The following PRDM6 variants were observed in gnomAD, a reference collection of about 807,000 sequenced individuals.
PRDM6 encodes putative histone-lysine N-methyltransferase PRDM6.
Under a neutral mutation model 60.8 loss-of-function variants are expected in PRDM6, and 25 were observed. The observed-to-expected ratio is 0.41, with a 90% CI of 0.30 to 0.57. The LOEUF (loss-of-function observed/expected upper bound fraction) is 0.57. Ranked by LOEUF, PRDM6 falls within the 20% of genes least tolerant of loss-of-function variation. The pLI, the probability that PRDM6 is intolerant of heterozygous loss-of-function variation, is 0.27. For synonymous variants in PRDM6, 407 were observed against 357.4 expected (o/e 1.14, Z -1.57); for missense variants, 839 against 821.3 (o/e 1.02, Z -0.26).
At chr5:123,181,446 C>T (rs749031545) in intron 7 of PRDM6, among the ~76,000 whole-genome samples, 3 of 152,174 alleles carry the variant, frequency 2.0e-5, no homozygotes, top group Non-Finnish European at 4.4e-5. Context: ...TATTTCTGGC[C>T]GTCCAAACAG....
rs1764719405 is a variant in PRDM6 at position 123,127,477 on chromosome 5, G to A, written c.900+27516G>A. Among the ~76,000 whole-genome samples, 4 of 152,354 alleles carry A rather than the reference G, an allele frequency of 2.6e-5. No individual in the cohort carries two copies. The South Asian group carries it at 8.3e-4, about 32-fold the overall frequency. On this transcript the variant is annotated intron_variant, in intron 3 of 7. Transcript: ENST00000407847. Reference sequence around the variant, plus strand: ...ACTGTAAATTCAGTCTCTGTGTGTAGCATCGTTGAGAGAAGTAAGTGGAGA... The same window carrying A: ...ACTGTAAATTCAGTCTCTGTGTGTAACATCGTTGAGAGAAGTAAGTGGAGA...
Position 123,090,625 on chromosome 5 carries a change from C to A in PRDM6, c.592+19C>A. ...AACAACCGTACGTAGCCGCAGCCCGCGCGCTCTCTCCCGGGGCGCCGGCGC... is the reference window on the plus strand; with the variant it reads ...AACAACCGTACGTAGCCGCAGCCCGAGCGCTCTCTCCCGGGGCGCCGGCGC... On this transcript the variant is annotated intron_variant, in intron 2 of 7. Transcript: ENST00000407847. 6.7e-7 allele frequency: 1 copy of A among 1,502,250 alleles called. No individual in the cohort carries two copies. The highest frequency in any genetic ancestry group is 1.2e-5 in the South Asian group (1 of 82,348). 93.1% of individuals were successfully genotyped at this position (1,502,250 alleles called of 1,614,324 possible). A position where few individuals can be genotyped will look rare whatever the true frequency, so the allele number is the denominator to read the frequency against.
In PRDM6 at chr5:123,137,272, T is replaced by C. The variant is rs563901201; in HGVS notation, c.901-18612T>C. Among the ~76,000 whole-genome samples, 6 of 152,356 alleles carry C rather than the reference T, an allele frequency of 3.9e-5. No homozygotes were observed. The South Asian group carries it at 1.2e-3, about 32-fold the overall frequency. ...TGAATCTGATTCTGCTGTGAGTCAGTGTGCAAGGTGACTGCAAATCACTAT... is the reference window on the plus strand; with the variant it reads ...TGAATCTGATTCTGCTGTGAGTCAGCGTGCAAGGTGACTGCAAATCACTAT... On this transcript the variant is annotated intron_variant, in intron 3 of 7. Coordinates refer to ENST00000407847, the MANE Select transcript of PRDM6 (RefSeq NM_001136239.4).
intron 3 of PRDM6, among the ~76,000 whole-genome samples, chr5:123,150,856 A>T (rs1232272482): frequency 6.6e-6 from 1 of 152,168 alleles, no homozygotes; most frequent in Non-Finnish European, 1.5e-5. Flanking sequence ...GTAATTGTTT[A>T]TTCCATTTTA....
chr5:123,155,753 G>A, intron 3 of PRDM6, 131 bp from the exon 4 acceptor site: 1 of 938,808 alleles, frequency 1.1e-6, no homozygotes, highest in Non-Finnish European at 1.5e-6. Flanking sequence ...TTGTCCACAA[G>A]CATCAATAAG....
At chr5:123,127,512 T>G (rs1027952689) in intron 3 of PRDM6, among the ~76,000 whole-genome samples, 2 of 152,192 alleles carry the variant, frequency 1.3e-5, no homozygotes, top group Admixed American at 1.3e-4. Context: ...AATTGACTAC[T>G]TTTTTGGGGT....
At position 123,090,213 on chromosome 5, in the gene PRDM6, G is replaced by A. The variant is rs781554858; in HGVS notation, c.199G>A (p.Asp67Asn). 1.0e-3 allele frequency: 1,551 copies of A among 1,479,642 alleles called. No individual in the cohort carries two copies. The highest frequency in any genetic ancestry group is 1.7e-3 in the Admixed American group (74 of 42,402). 91.7% of individuals were successfully genotyped at this position (1,479,642 alleles called of 1,614,324 possible). ...PPPERAEPPP[D>N]SLRPRPASLS... Reference sequence around the variant, plus strand: ...CCCGGAGCGCGCTGAGCCTCCGCCGGACAGCCTGCGCCCGCGGCCCGCCTC... The same window carrying A: ...CCCGGAGCGCGCTGAGCCTCCGCCGAACAGCCTGCGCCCGCGGCCCGCCTC... Residue 67 changes from aspartate (D) to asparagine (N), a missense_variant, in exon 2 of 8, where the codon GAC becomes AAC. Transcript: ENST00000407847.
intron 3 of PRDM6, among the ~76,000 whole-genome samples, chr5:123,101,173 G>C: frequency 6.6e-6 from 1 of 152,156 alleles, no homozygotes; most frequent in East Asian, 1.9e-4. Flanking sequence ...TTTGATGAGT[G>C]CCCACTCTGG....
In PRDM6 at chr5:123,103,665, C is replaced by T. The variant is rs182616644; in HGVS notation, c.900+3704C>T. 7.2e-5 allele frequency among the ~76,000 whole-genome samples: 11 copies of T among 152,052 alleles called. No individual in the cohort carries two copies. The East Asian group carries it at 1.9e-3, about 27-fold the overall frequency. The stretch of plus-strand genomic sequence containing the variant: ...CTCTTGAGATAAATTAATCTAGTTG[C>T]ACACGGTTTCCTCTTTCTGCTTAAC... On this transcript the variant is annotated intron_variant, in intron 3 of 7. Transcript: ENST00000407847.
Position 123,090,158 on chromosome 5 carries a change from G to C in PRDM6, c.144G>C (p.Gln48His). The C allele has an allele frequency of 2.7e-6, 4 of 1,505,432 alleles. No individual in the cohort carries two copies. The highest frequency in any genetic ancestry group is 3.5e-6 in the Non-Finnish European group (4 of 1,129,160). 93.3% of individuals were successfully genotyped at this position (1,505,432 alleles called of 1,614,324 possible). ...SGAAGLLSAP[Q>H]PLQPPPPPPP... ...CCGCGGGTCTCCTGAGCGCGCCGCA[G>C]CCTCTTCAGCCGCCGCCGCCGCCCC... The change falls in exon 2 of 8, where the codon CAG becomes CAC. Residue 48 changes from glutamine (Q) to histidine (H), a missense_variant. This residue lies in a region of PRDM6 where 730 missense variants were observed against 648.8 expected (regional missense o/e 1.13). Coordinates refer to ENST00000407847, the MANE Select transcript of PRDM6 (RefSeq NM_001136239.4).
intron 5 of PRDM6, 52 bp from the exon 6 acceptor site, chr5:123,170,714 T>C (rs1765867895): frequency 7.9e-7 from 1 of 1,260,396 alleles, no homozygotes; most frequent in Non-Finnish European, 1.1e-6. Context: ...GTTATTGTGC[T>C]TATTTTAAAG....
chr5:123,127,924 C>T (rs564754276), intron 3 of PRDM6, among the ~76,000 whole-genome samples: 46 of 152,120 alleles, frequency 3.0e-4, no homozygotes, highest in African/African-American at 1.0e-3. Context: ...CCCCAGCCCC[C>T]GACCCCCTGA....
intron 4 of PRDM6, among the ~76,000 whole-genome samples, chr5:123,157,145 C>T (rs921553203): frequency 1.3e-5 from 2 of 149,342 alleles, no homozygotes; most frequent in Non-Finnish European, 3.0e-5. Flanking sequence ...ACAAATTTGG[C>T]TTGCTCTCTG....
intron 3 of PRDM6, among the ~76,000 whole-genome samples, chr5:123,136,891 C>A (rs551597725): frequency 1.3e-5 from 2 of 152,294 alleles, no homozygotes; most frequent in South Asian, 4.1e-4. Flanking sequence ...AGCTGAGGGG[C>A]ATCCCAAGTT....
At chr5:123,134,922 A>G (rs1580507041) in intron 3 of PRDM6, among the ~76,000 whole-genome samples, 1 of 152,158 alleles carries the variant, frequency 6.6e-6, no homozygotes, top group Admixed American at 6.5e-5. Flanking sequence ...AGTGGTTGAC[A>G]CATTCAGCCT....
At chr5:123,137,781 A>G (rs980763773) in intron 3 of PRDM6, among the ~76,000 whole-genome samples, 2 of 71,178 alleles carry the variant, frequency 2.8e-5, no homozygotes, top group African/African-American at 1.1e-4. Context: ...CAGAATTTAA[A>G]GTATAATAAA....
chr5:123,176,967 T>C (rs1766026715), intron 6 of PRDM6, among the ~76,000 whole-genome samples: 1 of 152,190 alleles, frequency 6.6e-6, no homozygotes, highest in Non-Finnish European at 1.5e-5. Context: ...GACAATTAAT[T>C]GTGCGCTCCA....
At chr5:123,122,034 G>A (rs1764592762) in intron 3 of PRDM6, among the ~76,000 whole-genome samples, 1 of 151,150 alleles carries the variant, frequency 6.6e-6, no homozygotes. Context: ...GTGGTGGCGG[G>A]CGCCTGTAAT....
intron 4 of PRDM6, 58 bp from the exon 5 acceptor site, chr5:123,159,456 G>T: frequency 2.0e-6 from 3 of 1,522,556 alleles, no homozygotes; most frequent in Non-Finnish European, 8.8e-7. Flanking sequence ...TAAAAATATG[G>T]ATGGGGGCAC....
Sources: gnomAD v4.1 joint callset for allele counts (sites outside exome capture counted in the v4.1 genomes callset) on GRCh38, gnomAD v4.1.1 for gene constraint, gnomAD v4.1.1 regional missense constraint, MANE v1.5 for transcripts, NCBI Gene and HGNC (gene_info 2026-07-23, HGNC 2026-07-21) for gene names.